ASTN2: variants seen among roughly 807,000 people sequenced by gnomAD.
ASTN2 encodes the protein astrotactin 2.
ASTN2 carries 54 observed loss-of-function variants against 139.8 expected under a neutral mutation model. The observed-to-expected ratio is 0.39, with a 90% confidence interval of 0.31 to 0.48. The LOEUF (loss-of-function observed/expected upper bound fraction) is 0.48. ASTN2 is among the 20% of genes least tolerant of loss of function. ASTN2 has a pLI of 0.95. For synonymous variants in ASTN2, 756 were observed against 719.5 expected (o/e 1.05, Z -0.81); for missense variants, 1,565 against 1,725.1 (o/e 0.91, Z 1.64).
chr9:116,764,926 C>T (rs1325164176), intron 13 of ASTN2, among the ~76,000 whole-genome samples: 1 of 152,158 alleles, frequency 6.6e-6, no homozygotes, highest in Non-Finnish European at 1.5e-5. Flanking sequence ...TGAGATGCCC[C>T]CACCGTACCT....
intron 19 of ASTN2, among the ~76,000 whole-genome samples, chr9:116,511,551 T>C (rs1390243413): frequency 2.6e-5 from 4 of 152,206 alleles, no homozygotes; most frequent in Non-Finnish European, 2.9e-5. Context: ...ACTTTTTCTA[T>C]TGATTGGAAG....
intron 2 of ASTN2, among the ~76,000 whole-genome samples, chr9:117,269,231 G>A (rs182983703): frequency 2.0e-5 from 3 of 152,352 alleles, no homozygotes; most frequent in Admixed American, 1.3e-4. Context: ...GTGGCATGGG[G>A]TGTAATGTAT....
chr9:117,389,611 A>G (rs1830492360), intron 1 of ASTN2, among the ~76,000 whole-genome samples: 1 of 152,166 alleles, frequency 6.6e-6, no homozygotes, highest in Non-Finnish European at 1.5e-5. Context: ...ACTTGACACT[A>G]TGGAGGCAGG....
chr9:116,701,631 C>T (rs1483634749), intron 16 of ASTN2, among the ~76,000 whole-genome samples: 6 of 152,172 alleles, frequency 3.9e-5, no homozygotes, highest in Non-Finnish European at 8.8e-5. Flanking sequence ...GAAAGAGGTG[C>T]CATCACTGAG....
intron 1 of ASTN2, among the ~76,000 whole-genome samples, chr9:117,406,381 C>G (rs1387745435): frequency 1.3e-5 from 2 of 152,164 alleles, no homozygotes; most frequent in Non-Finnish European, 2.9e-5. Context: ...TAAAATTCTA[C>G]AGAGCTCTTG....
rs1861050281 is a variant in ASTN2, at chr9:116,699,240, C to T, written c.2806+26531G>A. 4 of 1,614,174 alleles carry T rather than the reference C, an allele frequency of 2.5e-6. No individual in the cohort carries two copies. Among genetic ancestry groups the T allele is most frequent in the South Asian group, 2.2e-5 (2 of 91,080 alleles). On this transcript the variant is annotated intron_variant, in intron 16 of 22. Transcript: ENST00000313400. The surrounding 1 kb of genome is among the most constrained non-coding windows in gnomAD (Gnocchi z 4.2). ...AAAGCTTTGGTGTTTCACAGTTGAT[C>T]GAGGATCAGGGGTGGTCAAATACAG...
At position 116,957,248 on chromosome 9, in the gene ASTN2, T is replaced by A. The variant is rs541909348; in HGVS notation, c.1889+17960A>T. Reference sequence around the variant, plus strand: ...GTACATATGCGTGTGTATGTTTTTATATACACATGCATACATACACATACA... The same window carrying A: ...GTACATATGCGTGTGTATGTTTTTAAATACACATGCATACATACACATACA... On this transcript the variant is annotated intron_variant, in intron 10 of 22. Coordinates refer to ENST00000313400, the MANE Select transcript of ASTN2 (RefSeq NM_001365068.1). Among the ~76,000 whole-genome samples the A allele has an allele frequency of 1.1e-4, 17 of 152,318 alleles. No homozygotes were observed. In the East Asian group the frequency reaches 3.1e-3, roughly 28 times the overall value.
At chr9:116,726,252 G>C (rs1212776797) in intron 15 of ASTN2, among the ~76,000 whole-genome samples, 1 of 152,174 alleles carries the variant, frequency 6.6e-6, no homozygotes, top group Non-Finnish European at 1.5e-5. Context: ...AGTCAAAGCT[G>C]ATATCCACTC....
intron 5 of ASTN2, among the ~76,000 whole-genome samples, chr9:117,073,181 C>T (rs187036145): frequency 0.019 from 2,754 of 148,112 alleles, 86 homozygotes; most frequent in African/African-American, 0.064. Context: ...ATATCTAATG[C>T]ACCCCCCTTG....
chr9:117,260,963 ATAAG>A (rs1392499430), intron 2 of ASTN2, among the ~76,000 whole-genome samples: 4 of 152,226 alleles, frequency 2.6e-5, no homozygotes, highest in African/African-American at 9.6e-5. Context: ...GAAAGTGTGT[ATAAG>A]TATGTATCTG....
chr9:116,597,670 C>T (rs1285687200), intron 19 of ASTN2, among the ~76,000 whole-genome samples: 1 of 151,780 alleles, frequency 6.6e-6, no homozygotes. Context: ...CTTTTCTTCT[C>T]TAAGTCTTAT....
intron 2 of ASTN2, among the ~76,000 whole-genome samples, chr9:117,261,022 A>G (rs888763346): frequency 6.6e-6 from 1 of 152,232 alleles, no homozygotes; most frequent in African/African-American, 2.4e-5. Flanking sequence ...TGTAAAGTGA[A>G]GACATTATGC....
intron 5 of ASTN2, among the ~76,000 whole-genome samples, chr9:117,076,587 T>C (rs943603067): frequency 3.9e-5 from 6 of 152,182 alleles, no homozygotes; most frequent in East Asian, 1.9e-4. Context: ...CTTTTGGAAG[T>C]TGGGATGAAG....
At chr9:117,105,346 T>C (rs1167105385) in intron 4 of ASTN2, among the ~76,000 whole-genome samples, 6 of 152,290 alleles carry the variant, frequency 3.9e-5, no homozygotes, top group African/African-American at 1.4e-4. Flanking sequence ...CTTAGCCACA[T>C]AGAAAGGCTA....
intron 2 of ASTN2, 81 bp from the exon 3 acceptor site, chr9:117,214,823 A>T: frequency 1.5e-6 from 2 of 1,337,046 alleles, no homozygotes. Flanking sequence ...TGTCCACTAC[A>T]CTCTGCCAGG....
chr9:117,119,972 A>T (rs540644486), intron 4 of ASTN2, among the ~76,000 whole-genome samples: 1 of 132,966 alleles, frequency 7.5e-6, no homozygotes, highest in Non-Finnish European at 1.6e-5. Flanking sequence ...TCATATATAG[A>T]TATCTCTATA....
Position 117,414,703 on chromosome 9 carries a change from C to G in ASTN2, c.236G>C (p.Ser79Thr). The part of the protein sequence containing the change: ...TVSTLPALRE[S>T]DIGWSGARAG... ...GCGGGCGCCGCTCCAGCCGATGTCG[C>G]TCTCCCGCAGGGCGGGCAGTGTGGA... The change falls in exon 1 of 23, where the codon AGC becomes ACC. Residue 79 changes from serine to threonine, a missense_variant. Around this residue, in one of 4 missense-constraint regions of ASTN2, gnomAD observed 596 missense variants for 576.8 expected, o/e 1.03. Coordinates refer to ENST00000313400, the MANE Select transcript of ASTN2 (RefSeq NM_001365068.1). The surrounding 1 kb of genome is among the most constrained non-coding windows in gnomAD (Gnocchi z 4.2). 7.9e-7 allele frequency: 1 copy of G among 1,258,132 alleles called. No homozygotes were observed. The highest frequency in any genetic ancestry group is 2.7e-5 in the South Asian group (1 of 37,730). The allele number at this position is 1,258,132 out of a possible 1,614,324, so 77.9% of individuals were successfully genotyped here.
chr9:116,853,433 C>T (rs1832662207), intron 11 of ASTN2, among the ~76,000 whole-genome samples: 1 of 152,168 alleles, frequency 6.6e-6, no homozygotes, highest in Admixed American at 6.5e-5. Flanking sequence ...TCTGATGCCT[C>T]AGGAGACACT....
At chr9:117,240,361 A>G (rs964850355) in intron 2 of ASTN2, among the ~76,000 whole-genome samples, 6 of 152,280 alleles carry the variant, frequency 3.9e-5, no homozygotes, top group African/African-American at 9.6e-5. Context: ...AGCGGAAGGG[A>G]ACGAGGATGG....
Sources: allele counts gnomAD v4.1 joint callset (sites outside exome capture counted in the v4.1 genomes callset), GRCh38; gene constraint gnomAD v4.1.1; regional missense constraint gnomAD v4.1.1; non-coding constraint Gnocchi (gnomAD v3.1); transcripts MANE v1.5; gene names NCBI Gene and HGNC (gene_info 2026-07-23, HGNC 2026-07-21).